MTUS2: variants seen among roughly 807,000 people sequenced by gnomAD.
MTUS2 encodes the protein microtubule-associated tumor suppressor candidate 2.
A neutral mutation model predicts 114.1 loss-of-function variants in MTUS2; 40 were observed. The observed-to-expected ratio is 0.35, with a 90% CI of 0.27 to 0.46. The LOEUF (loss-of-function observed/expected upper bound fraction) is 0.46. MTUS2 is among the 20% of genes least tolerant of loss of function. MTUS2 has a pLI of 1.00. For synonymous variants in MTUS2, 688 were observed against 672.0 expected, an observed-to-expected ratio of 1.02 and a Z score of -0.37; for missense variants, 1,679 against 1,705.4, an observed-to-expected ratio of 0.98 and a Z score of 0.27.
intron 2 of MTUS2, among the ~76,000 whole-genome samples, chr13:29,002,395 A>G (rs942826981): frequency 3.3e-5 from 5 of 152,178 alleles, no homozygotes; most frequent in African/African-American, 4.8e-5. Context: ...TTATACCACA[A>G]TTGATACACT....
At chr13:28,867,570 C>CT (rs1877375315) in intron 2 of MTUS2, among the ~76,000 whole-genome samples, 1 of 152,150 alleles carries the variant, frequency 6.6e-6, no homozygotes, top group African/African-American at 2.4e-5. Context: ...AAGATTAAAG[C>CT]TTTTCATATT....
chr13:29,182,623 C>T (rs900767210), intron 5 of MTUS2, among the ~76,000 whole-genome samples: 3 of 152,124 alleles, frequency 2.0e-5, no homozygotes, highest in Non-Finnish European at 4.4e-5. Flanking sequence ...GAGGAAAAAA[C>T]GTTTGCCTTT....
At chr13:29,391,070 T>C (rs1438803379) in intron 8 of MTUS2, among the ~76,000 whole-genome samples, 1 of 151,500 alleles carries the variant, frequency 6.6e-6, no homozygotes, top group Non-Finnish European at 1.5e-5. Flanking sequence ...AGCCACCGTG[T>C]GCCCATCCCA....
chr13:29,094,529 G>T (rs1021682068), intron 4 of MTUS2, among the ~76,000 whole-genome samples: 3 of 152,000 alleles, frequency 2.0e-5, no homozygotes, highest in African/African-American at 4.8e-5. Flanking sequence ...AAGTGGTGAT[G>T]TTCCCTCTTT....
intron 6 of MTUS2, among the ~76,000 whole-genome samples, chr13:29,283,918 CTGTT>C (rs1451102765): frequency 1.3e-5 from 2 of 152,182 alleles, no homozygotes; most frequent in East Asian, 3.8e-4. Flanking sequence ...ACAACATATT[CTGTT>C]TGTGAGGCTG....
intron 8 of MTUS2, among the ~76,000 whole-genome samples, chr13:29,395,935 C>A (rs1873882285): frequency 6.6e-6 from 1 of 152,128 alleles, no homozygotes; most frequent in Admixed American, 6.5e-5. Context: ...CAGTCTCATG[C>A]TGTCAGGTTT....
intron 2 of MTUS2, among the ~76,000 whole-genome samples, chr13:28,983,432 G>A (rs1884445671): frequency 6.6e-6 from 1 of 152,188 alleles, no homozygotes; most frequent in East Asian, 1.9e-4. Context: ...ATGCACACTG[G>A]ATTCTGGAGC....
chr13:29,344,164 A>AT (rs1429768967), intron 7 of MTUS2, among the ~76,000 whole-genome samples: 9 of 151,930 alleles, frequency 5.9e-5, no homozygotes, highest in Non-Finnish European at 1.0e-4. Flanking sequence ...TGTTAAGTAC[A>AT]TTTTTTCTAG....
At chr13:29,195,150 G>A (rs1333332093) in intron 5 of MTUS2, among the ~76,000 whole-genome samples, 4 of 148,438 alleles carry the variant, frequency 2.7e-5, no homozygotes, top group Admixed American at 6.7e-5. Context: ...GCTAAATGAC[G>A]AGTTAATGGG....
At chr13:29,144,452 G>T (rs1475754250) in intron 5 of MTUS2, among the ~76,000 whole-genome samples, 1 of 151,714 alleles carries the variant, frequency 6.6e-6, no homozygotes, top group East Asian at 1.9e-4. Flanking sequence ...CATCCTTGAA[G>T]TCCTCAGCTC....
At chr13:28,872,763 T>C (rs1877698613) in intron 2 of MTUS2, among the ~76,000 whole-genome samples, 2 of 152,190 alleles carry the variant, frequency 1.3e-5, no homozygotes, top group Admixed American at 1.3e-4. Context: ...CATCTCCCAT[T>C]AGGCCATACC....
chr13:29,307,396 A>T, intron 6 of MTUS2: 2 of 987,184 alleles, frequency 2.0e-6, no homozygotes, highest in Non-Finnish European at 3.2e-6. Flanking sequence ...CCAGAACATC[A>T]TCCCTGCCCC....
intron 2 of MTUS2, among the ~76,000 whole-genome samples, chr13:29,022,794 G>A (rs1886348413): frequency 6.6e-6 from 1 of 152,204 alleles, no homozygotes; most frequent in Non-Finnish European, 1.5e-5. Flanking sequence ...GAATGGTTTA[G>A]TGGTGATCTG....
intron 5 of MTUS2, among the ~76,000 whole-genome samples, chr13:29,150,524 C>A (rs1439860143): frequency 6.6e-6 from 1 of 152,128 alleles, no homozygotes; most frequent in East Asian, 1.9e-4. Context: ...CTTTGCTGTG[C>A]AGAAGCTCTT....
At position 28,823,709 on chromosome 13, in the gene MTUS2, A is replaced by G. The variant is rs536166954; in HGVS notation, c.-316+3098A>G. On this transcript the variant is annotated intron_variant, in intron 1 of 15. Coordinates refer to ENST00000612955, the MANE Select transcript of MTUS2 (RefSeq NM_001033602.4). ...ATTTGAAAACACTGTAGCATGGTGT[A>G]TTAGCCTGTTCTCACCTTGCTGATA... Among the ~76,000 whole-genome samples the G allele has an allele frequency of 1.1e-4, 17 of 152,340 alleles. 1 individual carries two copies. Among genetic ancestry groups the G allele is most frequent in the South Asian group, 1.0e-3 (5 of 4,822 alleles).
intron 5 of MTUS2, among the ~76,000 whole-genome samples, chr13:29,108,732 A>G (rs1019020220): frequency 6.6e-6 from 1 of 152,168 alleles, no homozygotes; most frequent in Non-Finnish European, 1.5e-5. Context: ...GAGGAGGCAC[A>G]GGAAGGGGGA....
chr13:28,908,146 GT>G (rs973476622), intron 2 of MTUS2, among the ~76,000 whole-genome samples: 1 of 151,086 alleles, frequency 6.6e-6, no homozygotes, highest in African/African-American at 2.4e-5. Flanking sequence ...TTCTTTCTTT[GT>G]TTTTTTATTA....
chr13:29,008,473 G>T (rs554324004), intron 2 of MTUS2, among the ~76,000 whole-genome samples: 109 of 152,176 alleles, frequency 7.2e-4, no homozygotes, highest in African/African-American at 2.6e-3. Context: ...TTTCCTTTTG[G>T]TTCATCTGTC....
intron 2 of MTUS2, among the ~76,000 whole-genome samples, chr13:28,982,343 A>AT (rs200673462): frequency 3.9e-5 from 5 of 128,236 alleles, no homozygotes; most frequent in East Asian, 2.7e-4. Context: ...GATGGTTATT[A>AT]TTTAAAAAAA....
Sources: gnomAD v4.1 joint callset for allele counts (sites outside exome capture counted in the v4.1 genomes callset) on GRCh38, gnomAD v4.1.1 for gene constraint, MANE v1.5 for transcripts, NCBI Gene and HGNC (gene_info 2026-07-23, HGNC 2026-07-21) for gene names.